Variants in TP63 observed in about 807,000 individuals in gnomAD.
TP63 encodes tumor protein p63.
A neutral mutation model predicts 82.8 loss-of-function variants in TP63; 17 were observed. That is an observed-to-expected ratio of 0.21 (90% confidence interval 0.14 to 0.31). The LOEUF (loss-of-function observed/expected upper bound fraction) is 0.31. TP63 is among the 10% of genes least tolerant of loss of function. The pLI, the probability that TP63 is intolerant of heterozygous loss-of-function variation, is 1.00. For synonymous variants in TP63, 330 were observed against 321.7 expected (o/e 1.03, Z -0.28); for missense variants, 648 against 895.3 (o/e 0.72, Z 3.52).
At chr3:189,749,943 G>A (rs1721677274) in intron 3 of TP63, among the ~76,000 whole-genome samples, 1 of 152,000 alleles carries the variant, frequency 6.6e-6, no homozygotes, top group Admixed American at 6.5e-5. Flanking sequence ...CTAACAAGGT[G>A]AAACCCCGTC....
intron 1 of TP63, among the ~76,000 whole-genome samples, chr3:189,708,450 G>A (rs1409840633): frequency 6.6e-6 from 1 of 152,176 alleles, no homozygotes; most frequent in Non-Finnish European, 1.5e-5. Context: ...GCATACAGCA[G>A]TATTTAATTT....
At position 189,872,915 on chromosome 3, in the gene TP63, C is replaced by G; in HGVS notation, c.1269C>G (p.Leu423=). Residue 423 remains leucine, a synonymous_variant, in exon 10 of 14, where the codon CTC becomes CTG. Transcript: ENST00000264731. ...MLLKIKESLE[L]MQYLPQHTIE... ...TGAAGATCAAAGAGTCCCTGGAACT[C>G]ATGCAGTACCTTCCTCAGCACACAA... The G allele has an allele frequency of 6.2e-7, 1 of 1,614,150 alleles. No homozygotes were observed. The highest frequency in any genetic ancestry group is 8.5e-7 in the Non-Finnish European group (1 of 1,180,014).
At chr3:189,815,134 G>C (rs1044370279) in intron 4 of TP63, among the ~76,000 whole-genome samples, 1 of 149,214 alleles carries the variant, frequency 6.7e-6, no homozygotes, top group Non-Finnish European at 1.5e-5. Flanking sequence ...TGTTATTATT[G>C]TTAGTTAATT....
chr3:189,880,255 G>A, intron 10 of TP63: 1 of 1,501,300 alleles, frequency 6.7e-7, no homozygotes, highest in East Asian at 2.3e-5. Context: ...GTATGTGTGT[G>A]CGTGTGTATC....
intron 3 of TP63, among the ~76,000 whole-genome samples, chr3:189,750,504 A>G (rs914934408): frequency 3.3e-5 from 5 of 152,372 alleles, no homozygotes; most frequent in Middle Eastern, 6.8e-3. Context: ...GAAATGATAA[A>G]TACTCAAGGT....
chr3:189,857,147 A>G (rs1716395561), intron 4 of TP63, among the ~76,000 whole-genome samples: 1 of 152,156 alleles, frequency 6.6e-6, no homozygotes, highest in African/African-American at 2.4e-5. Flanking sequence ...ATTAACCCAA[A>G]CAATTTGAAA....
chr3:189,841,693 G>A (rs780976573), intron 4 of TP63, among the ~76,000 whole-genome samples: 5 of 152,166 alleles, frequency 3.3e-5, no homozygotes, highest in East Asian at 1.9e-4. Context: ...GTTTCTGAAC[G>A]TGTTTCTGTT....
chr3:189,836,461 G>A (rs780550283), intron 4 of TP63, among the ~76,000 whole-genome samples: 5 of 152,070 alleles, frequency 3.3e-5, no homozygotes, highest in Admixed American at 3.3e-4. Context: ...AAAGCAAAGC[G>A]TTTTTGCTTT....
intron 1 of TP63, among the ~76,000 whole-genome samples, chr3:189,681,539 A>G (rs1001934714): frequency 2.6e-5 from 4 of 152,154 alleles, no homozygotes; most frequent in African/African-American, 7.2e-5. Flanking sequence ...AAAAGTGGCA[A>G]TCTTTTTGAT....
At chr3:189,627,870 A>G (rs1729354540), upstream of TP63, among the ~76,000 whole-genome samples, 1 of 152,170 alleles carries the variant, frequency 6.6e-6, no homozygotes, top group Admixed American at 6.6e-5. Flanking sequence ...GGCGAATTTC[A>G]TTGTATGTAA....
chr3:189,751,733 T>C (rs183632558), intron 3 of TP63, among the ~76,000 whole-genome samples: 11 of 152,340 alleles, frequency 7.2e-5, no homozygotes, highest in Admixed American at 3.9e-4. Flanking sequence ...CTTTGTCAGA[T>C]GGGTAGATTG....
intron 3 of TP63, among the ~76,000 whole-genome samples, chr3:189,771,286 A>T (rs1447422575): frequency 9.2e-6 from 1 of 108,458 alleles, no homozygotes; most frequent in Non-Finnish European, 1.8e-5. Context: ...TATATATATA[A>T]ATATATATTA....
chr3:189,606,888 T>C, the TP63 span, among the ~76,000 whole-genome samples: 1 of 152,144 alleles, frequency 6.6e-6, no homozygotes, highest in Non-Finnish European at 1.5e-5. Flanking sequence ...TGATTCACTC[T>C]AATAAATGGC....
chr3:189,800,475 T>TAAAAAAAAAAA (rs72295286), intron 3 of TP63, among the ~76,000 whole-genome samples: 2 of 134,892 alleles, frequency 1.5e-5, no homozygotes, highest in Non-Finnish European at 3.1e-5. Flanking sequence ...CTTTAATGAG[T>TAAAAAAAAAAA]AAAAAAAAAA....
chr3:189,813,095 A>G lies in TP63; in HGVS notation c.579+4569A>G, dbSNP rs558892721. ...GGAGAGGCCCTTTCCAGATTTAAGA[A>G]CCTGTTGATTTTTGACATTCGTTCC... On this transcript the variant is annotated intron_variant, in intron 4 of 13. Transcript: ENST00000264731. 2.0e-5 allele frequency among the ~76,000 whole-genome samples: 3 copies of G among 152,132 alleles called. No individual in the cohort carries two copies. The South Asian group carries it at 6.2e-4, about 32-fold the overall frequency.
chr3:189,695,744 C>T (rs1365780879), intron 1 of TP63, among the ~76,000 whole-genome samples: 1 of 152,176 alleles, frequency 6.6e-6, no homozygotes, highest in Non-Finnish European at 1.5e-5. Context: ...AAAAACCTCG[C>T]TCTCATACAC....
At chr3:189,809,887 G>A (rs1284214565) in intron 4 of TP63, among the ~76,000 whole-genome samples, 1 of 152,196 alleles carries the variant, frequency 6.6e-6, no homozygotes. Context: ...GTTAAGTTAA[G>A]AGGCATGCCT....
At chr3:189,726,931 G>T (rs534765893) in intron 1 of TP63, among the ~76,000 whole-genome samples, 5 of 152,208 alleles carry the variant, frequency 3.3e-5, no homozygotes, top group Non-Finnish European at 7.3e-5. Context: ...CAGGTCACAT[G>T]GTTGCTATTG....
At chr3:189,725,251 G>A (rs1719688022) in intron 1 of TP63, among the ~76,000 whole-genome samples, 1 of 152,084 alleles carries the variant, frequency 6.6e-6, no homozygotes, top group African/African-American at 2.4e-5. Context: ...GAATGTTAAG[G>A]AATTAGGTAA....
Sources: allele counts gnomAD v4.1 joint callset (sites outside exome capture counted in the v4.1 genomes callset), GRCh38; gene constraint gnomAD v4.1.1; transcripts MANE v1.5; gene names NCBI Gene and HGNC (gene_info 2026-07-23, HGNC 2026-07-21).